DCPS: variants seen among roughly 807,000 people sequenced by gnomAD.
DCPS encodes the protein decapping enzyme, scavenger, also known as m7GpppX diphosphatase.
In DCPS, 27 loss-of-function variants were observed where a neutral mutation model predicts 34.7. The ratio of observed to expected loss-of-function variants is 0.78; its 90% confidence interval spans 0.57 to 1.07. The LOEUF (loss-of-function observed/expected upper bound fraction) is 1.07, where lower values mean the gene tolerates loss of function less well. Ranked by LOEUF, DCPS falls within the 50% of genes least tolerant of loss-of-function variation. DCPS has a pLI of 0.00. For missense variants in DCPS, 464 were observed against 436.9 expected (o/e 1.06, Z -0.55); for synonymous variants, 185 against 185.7 (o/e 1.00, Z 0.03).
At chr11:126,321,495 A>G (rs1345001200) in intron 2 of DCPS, among the ~76,000 whole-genome samples, 1 of 152,158 alleles carries the variant, frequency 6.6e-6, no homozygotes, top group East Asian at 1.9e-4. Context: ...TCATTTGTGG[A>G]GAATCTGCCC....
In DCPS at chr11:126,319,261, TC is replaced by T. The variant is rs1951685581; in HGVS notation, c.377-12139del. ...TCCACCAGGCCCCTCTTCTGGGACTTCCCCCTTCATGCCTCCCACCCCATAA... is the reference window on the plus strand; with the variant it reads ...TCCACCAGGCCCCTCTTCTGGGACTTCCCCTTCATGCCTCCCACCCCATAA... On this transcript the variant is annotated intron_variant, in intron 2 of 5. Coordinates refer to ENST00000263579, the MANE Select transcript of DCPS (RefSeq NM_014026.6). The surrounding 1 kb of genome is among the most constrained non-coding windows in gnomAD (Gnocchi z 4.5). Among the ~76,000 whole-genome samples the T allele has an allele frequency of 6.6e-6, 1 of 151,986 alleles. No homozygotes were observed. Among genetic ancestry groups the T allele is most frequent in the East Asian group, 1.9e-4 (1 of 5,182 alleles).
In DCPS at chr11:126,323,956, G is replaced by A. The variant is rs1951724053; in HGVS notation, c.377-7449G>A. Among the ~76,000 whole-genome samples the A allele has an allele frequency of 6.6e-6, 1 of 151,956 alleles. No homozygotes were observed. The highest frequency in any genetic ancestry group is 1.5e-5 in the Non-Finnish European group (1 of 68,014). On this transcript the variant is annotated intron_variant, in intron 2 of 5. Coordinates refer to ENST00000263579, the MANE Select transcript of DCPS (RefSeq NM_014026.6). This position sits in a 1 kb window ranked among gnomAD's most constrained non-coding sequence, Gnocchi z 4.4. ...AGCGATTCTTCCGCCTCAGCCTCCC[G>A]AGTATCTGGGATTACAGAAGCAAGC...
In DCPS at chr11:126,304,295, A is replaced by G. The variant is rs372133471; in HGVS notation, c.201+14A>G. 8.2e-5 allele frequency: 132 copies of G among 1,613,324 alleles called. 1 individual carries two copies. The Middle Eastern group carries it at 1.3e-3, about 16-fold the overall frequency. On this transcript the variant is annotated intron_variant, in intron 1 of 5. Coordinates refer to ENST00000263579, the MANE Select transcript of DCPS (RefSeq NM_014026.6). ...CTACACGGGAAGGTACCAGGAGGCA[A>G]CCCTGAGGTGGGATGCGGGAAGCAG...
rs1951750661 is a variant in DCPS, at chr11:126,327,599, G to A, written c.377-3806G>A. On this transcript the variant is annotated intron_variant, in intron 2 of 5. Transcript: ENST00000263579. This position sits in a 1 kb window ranked among gnomAD's most constrained non-coding sequence, Gnocchi z 4.1. ...CTGACCAAACTCCTCCTGAAGTTCA[G>A]CTGCAGGTCAACATCTTGACGGGCA... Among the ~76,000 whole-genome samples the A allele has an allele frequency of 6.6e-6, 1 of 152,322 alleles. No individual in the cohort carries two copies. The highest frequency in any genetic ancestry group is 2.1e-4 in the South Asian group (1 of 4,828).
Position 126,345,367 on chromosome 11 carries a change from C to T in DCPS, c.768C>T (p.Tyr256=), listed in dbSNP as rs200601649. Reference sequence around the variant, plus strand: ...ATCAGGAGGCCATCCTGCAGCGCTACCGGATGAAGGGAGACCATCTGCGAG... The same window carrying T: ...ATCAGGAGGCCATCCTGCAGCGCTATCGGATGAAGGGAGACCATCTGCGAG... The part of the protein sequence containing the change: ...HQGQEAILQR[Y]RMKGDHLRVY... Residue 256 remains tyrosine (Y), a synonymous_variant, in exon 6 of 6, where the codon TAC becomes TAT. Transcript: ENST00000263579. This position sits in a 1 kb window ranked among gnomAD's most constrained non-coding sequence, Gnocchi z 7.4. 8.1e-5 allele frequency: 131 copies of T among 1,614,064 alleles called. No individual in the cohort carries two copies. In the East Asian group the frequency reaches 2.9e-3, roughly 36 times the overall value.
At position 126,332,428 on chromosome 11, in the gene DCPS, G is replaced by A. The variant is rs1460756695; in HGVS notation, c.522+878G>A. On this transcript the variant is annotated intron_variant, in intron 3 of 5. Transcript: ENST00000263579. The surrounding 1 kb of genome is among the most constrained non-coding windows in gnomAD (Gnocchi z 5.4). ...AGTTTCTTGCCCACTCACTGACTCT[G>A]ACACTGTGCCTTGTCTTTATCACTC... Among the ~76,000 whole-genome samples the A allele has an allele frequency of 1.3e-5, 2 of 152,212 alleles. No individual in the cohort carries two copies. Among genetic ancestry groups the A allele is most frequent in the Admixed American group, 1.3e-4 (2 of 15,284 alleles).
chr11:126,318,581 G>A (rs372524866), intron 2 of DCPS, among the ~76,000 whole-genome samples: 61 of 152,338 alleles, frequency 4.0e-4, no homozygotes, highest in African/African-American at 1.4e-3. Context: ...TGCGAAGTCC[G>A]GTTATCTGAC....
rs374967994 is a variant in DCPS at position 126,320,490 on chromosome 11, T to TA, written c.377-10906dup. Among the ~76,000 whole-genome samples, 331 of 151,608 alleles carry TA rather than the reference T, an allele frequency of 2.2e-3. No individual in the cohort carries two copies. Among genetic ancestry groups the TA allele is most frequent in the African/African-American group, 7.6e-3 (314 of 41,310 alleles). On this transcript the variant is annotated intron_variant, in intron 2 of 5. Coordinates refer to ENST00000263579, the MANE Select transcript of DCPS (RefSeq NM_014026.6). This position sits in a 1 kb window ranked among gnomAD's most constrained non-coding sequence, Gnocchi z 4.7. ...GACAATGATATTAAAGGAATATTCT[T>TA]AAAAAAAAATTAACCCATCAAGACT...
intron 2 of DCPS, among the ~76,000 whole-genome samples, chr11:126,317,998 C>T (rs929746622): frequency 2.0e-5 from 3 of 152,160 alleles, no homozygotes; most frequent in African/African-American, 7.2e-5. Flanking sequence ...ACCAAATTTG[C>T]TTGTGGGCCA....
rs1357520652 is a variant in DCPS at position 126,343,413 on chromosome 11, G to A, written c.743G>A (p.Gly248Glu). The A allele has an allele frequency of 2.5e-6, 4 of 1,612,622 alleles. No individual in the cohort carries two copies. Among genetic ancestry groups the A allele is most frequent in the Non-Finnish European group, 2.5e-6 (3 of 1,179,456 alleles). ...LPLLRNILHQ[G>E]QEAILQRYRM... Reference sequence around the variant, plus strand: ...CTGCTCAGGAACATCCTCCACCAGGGGCAGGTGAGTGGCTTCACCAAACCA... The same window carrying A: ...CTGCTCAGGAACATCCTCCACCAGGAGCAGGTGAGTGGCTTCACCAAACCA... The change falls in exon 5 of 6, where the codon GGG becomes GAG. Residue 248 changes from glycine to glutamate, a missense_variant. Physicochemically the swap from Gly to Glu is moderately conservative, Grantham distance 98. Coordinates refer to ENST00000263579, the MANE Select transcript of DCPS (RefSeq NM_014026.6).
rs1295811255 is a variant in DCPS at position 126,332,491 on chromosome 11, C to G, written c.522+941C>G. The stretch of plus-strand genomic sequence containing the variant: ...TTCGAGCATTTCTCACTTTTCTCCC[C>G]AAGATTCAGGTCACTGTGGTGGAGG... On this transcript the variant is annotated intron_variant, in intron 3 of 5. Coordinates refer to ENST00000263579, the MANE Select transcript of DCPS (RefSeq NM_014026.6). This position sits in a 1 kb window ranked among gnomAD's most constrained non-coding sequence, Gnocchi z 5.4. 6.6e-6 allele frequency among the ~76,000 whole-genome samples: 1 copy of G among 152,242 alleles called. No homozygotes were observed. Among genetic ancestry groups the G allele is most frequent in the Non-Finnish European group, 1.5e-5 (1 of 68,052 alleles).
chr11:126,306,475 T>G, intron 1 of DCPS, 95 bp from the exon 2 acceptor site: 1 of 1,312,030 alleles, frequency 7.6e-7, no homozygotes, highest in Non-Finnish European at 1.0e-6. Context: ...ATCCCAAGTA[T>G]TGGGAATTCA....
intron 1 of DCPS, 111 bp downstream of exon 1, chr11:126,304,392 C>A: frequency 7.9e-7 from 1 of 1,270,958 alleles, no homozygotes; most frequent in Non-Finnish European, 1.1e-6. Flanking sequence ...ATCATTATCA[C>A]TCCGGGGAGG....
rs758992956 is a variant in DCPS at position 126,313,712 on chromosome 11, G to A, written c.376+6968G>A. 3.9e-5 allele frequency among the ~76,000 whole-genome samples: 6 copies of A among 152,208 alleles called. No homozygotes were observed. Among genetic ancestry groups the A allele is most frequent in the Non-Finnish European group, 8.8e-5 (6 of 68,036 alleles). On this transcript the variant is annotated intron_variant, in intron 2 of 5. Coordinates refer to ENST00000263579, the MANE Select transcript of DCPS (RefSeq NM_014026.6). This position sits in a 1 kb window ranked among gnomAD's most constrained non-coding sequence, Gnocchi z 4.9. ...TGATTAACCCCCAAATCAGGGAGGT[G>A]ATTATCCTTGGTCGGGGTGTGGCAG...
At chr11:126,304,539 A>G (rs967187301) in intron 1 of DCPS, among the ~76,000 whole-genome samples, 1 of 152,132 alleles carries the variant, frequency 6.6e-6, no homozygotes, top group Non-Finnish European at 1.5e-5. Context: ...AGTGCATTGC[A>G]GATTAAAGAT....
Position 126,345,206 on chromosome 11 carries a change from G to T in DCPS, c.748-141G>T. 8.8e-7 allele frequency: 1 copy of T among 1,134,884 alleles called. No homozygotes were observed. The highest frequency in any genetic ancestry group is 1.2e-6 in the Non-Finnish European group (1 of 808,134). The allele number at this position is 1,134,884 out of a possible 1,614,324, so 70.3% of individuals were successfully genotyped here. A position where few individuals can be genotyped will look rare whatever the true frequency, so the allele number is the denominator to read the frequency against. On this transcript the variant is annotated intron_variant, in intron 5 of 5. Coordinates refer to ENST00000263579, the MANE Select transcript of DCPS (RefSeq NM_014026.6). The surrounding 1 kb of genome is among the most constrained non-coding windows in gnomAD (Gnocchi z 7.4). ...ACAGAGGAAGCTGAAGCAGACAGCA[G>T]GTAGAGAGCTGTTTGGAGGGTTTTT... is the stretch of plus-strand genomic sequence containing the variant.
At chr11:126,343,484 G>C in intron 5 of DCPS, 67 bp downstream of exon 5, 2 of 1,349,242 alleles carry the variant, frequency 1.5e-6, no homozygotes, top group East Asian at 4.9e-5. Context: ...TGTGTTCCTG[G>C]GCCCCTTTCC....
rs142342743 is a variant in DCPS at position 126,312,912 on chromosome 11, G to A, written c.376+6168G>A. Among the ~76,000 whole-genome samples the A allele has an allele frequency of 6.5e-4, 99 of 152,222 alleles. 1 individual carries two copies. The East Asian group carries it at 0.018, about 28-fold the overall frequency. ...CCTTTCTTCTTCCTGTTGCTGTGTG[G>A]CACATGTGAGGAGCTAATGGCCCGA... On this transcript the variant is annotated intron_variant, in intron 2 of 5. Coordinates refer to ENST00000263579, the MANE Select transcript of DCPS (RefSeq NM_014026.6). This position sits in a 1 kb window ranked among gnomAD's most constrained non-coding sequence, Gnocchi z 5.1.
At chr11:126,326,729 C>T (rs1253424925) in intron 2 of DCPS, among the ~76,000 whole-genome samples, 1 of 152,158 alleles carries the variant, frequency 6.6e-6, no homozygotes, top group Non-Finnish European at 1.5e-5. Flanking sequence ...CGAGACCATC[C>T]TGGCTAACAC....
Sources: gnomAD v4.1 joint callset for allele counts (sites outside exome capture counted in the v4.1 genomes callset) on GRCh38, gnomAD v4.1.1 for gene constraint, Gnocchi (gnomAD v3.1) non-coding constraint, MANE v1.5 for transcripts, NCBI Gene and HGNC (gene_info 2026-07-23, HGNC 2026-07-21) for gene names.